Variants in RGS6 observed in about 807,000 individuals in gnomAD.
The protein encoded by RGS6 is regulator of G-protein signaling 6.
A neutral mutation model predicts 78.5 loss-of-function variants in RGS6; 30 were observed. That is an observed-to-expected ratio of 0.38 (90% CI 0.29 to 0.52). RGS6 has a LOEUF of 0.52. RGS6 is among the 20% of genes least tolerant of loss of function. RGS6 has a pLI of 0.85. For synonymous variants in RGS6, 206 were observed against 206.0 expected, an observed-to-expected ratio of 1.00 and a Z score of 0.00; for missense variants, 495 against 609.7, an observed-to-expected ratio of 0.81 and a Z score of 1.98.
chr14:72,436,066 C>G (rs1430752997), intron 3 of RGS6, among the ~76,000 whole-genome samples: 3 of 152,126 alleles, frequency 2.0e-5, no homozygotes, highest in Non-Finnish European at 4.4e-5. Context: ...TTTGACCCTT[C>G]TGCCTTTCCT....
the RGS6 span, among the ~76,000 whole-genome samples, chr14:71,888,112 T>C: frequency 1.3e-5 from 2 of 152,018 alleles, no homozygotes; most frequent in African/African-American, 4.8e-5. Flanking sequence ...AGAACCTACG[T>C]TGAAATATTG....
chr14:72,342,900 G>T (rs1334175660), intron 2 of RGS6, among the ~76,000 whole-genome samples: 1 of 152,046 alleles, frequency 6.6e-6, no homozygotes, highest in African/African-American at 2.4e-5. Flanking sequence ...CCCCAAGTGG[G>T]CTACCACAGG....
chr14:72,473,945 A>T (rs570248179), intron 9 of RGS6: 1 of 152,406 alleles, frequency 6.6e-6, no homozygotes, highest in South Asian at 2.1e-4. Context: ...TTTAAACAGC[A>T]AAATCACCAA....
chr14:72,186,647 C>T (rs1338450240), intron 2 of RGS6, among the ~76,000 whole-genome samples: 2 of 152,172 alleles, frequency 1.3e-5, no homozygotes, highest in Admixed American at 1.3e-4. Flanking sequence ...TCCTGCTCTG[C>T]CTGCCAAGGA....
intron 2 of RGS6, among the ~76,000 whole-genome samples, chr14:72,081,347 T>C (rs1406125197): frequency 6.6e-6 from 1 of 152,122 alleles, no homozygotes; most frequent in Non-Finnish European, 1.5e-5. Flanking sequence ...GCATCAGCAC[T>C]AATTCTTACA....
intron 14 of RGS6, among the ~76,000 whole-genome samples, chr14:72,510,816 T>TTCTGTC (rs2096869176): frequency 3.9e-5 from 6 of 152,134 alleles, no homozygotes; most frequent in Admixed American, 1.3e-4. Flanking sequence ...TCTTTTAGAA[T>TTCTGTC]GACTTCTGTC....
chr14:72,159,982 A>G (rs2096829954), intron 2 of RGS6, among the ~76,000 whole-genome samples: 1 of 152,214 alleles, frequency 6.6e-6, no homozygotes, highest in Admixed American at 6.5e-5. Flanking sequence ...AATTATTTTT[A>G]TCATAATAAA....
intron 2 of RGS6, among the ~76,000 whole-genome samples, chr14:72,323,569 T>C (rs962117026): frequency 1.3e-5 from 2 of 151,696 alleles, no homozygotes; most frequent in African/African-American, 2.4e-5. Flanking sequence ...TTAAAATGTA[T>C]TGTAGTCCGG....
At chr14:72,467,784 C>T (rs1034991636) in intron 7 of RGS6, among the ~76,000 whole-genome samples, 8 of 152,156 alleles carry the variant, frequency 5.3e-5, no homozygotes, top group African/African-American at 1.9e-4. Context: ...TCTGGACATC[C>T]TGGGAGCCCA....
intron 2 of RGS6, among the ~76,000 whole-genome samples, chr14:72,135,344 T>C (rs954281856): frequency 3.9e-5 from 6 of 152,104 alleles, no homozygotes; most frequent in Non-Finnish European, 8.8e-5. Context: ...CTAGTCCTGG[T>C]GCTGGATCTA....
At chr14:72,490,102 G>C (rs1172256149) in intron 12 of RGS6, among the ~76,000 whole-genome samples, 1 of 152,116 alleles carries the variant, frequency 6.6e-6, no homozygotes, top group Non-Finnish European at 1.5e-5. Flanking sequence ...TCCCCACCCA[G>C]ATCTCGTCTT....
intron 2 of RGS6, among the ~76,000 whole-genome samples, chr14:72,052,841 T>TAAACAA (rs1387746914): frequency 6.6e-6 from 1 of 152,204 alleles, no homozygotes; most frequent in East Asian, 1.9e-4. Context: ...GATCAAGTTG[T>TAAACAA]GTGGATCCGA....
intron 14 of RGS6, among the ~76,000 whole-genome samples, chr14:72,510,617 G>A (rs908196923): frequency 2.0e-5 from 3 of 152,304 alleles, no homozygotes; most frequent in South Asian, 4.1e-4. Context: ...GAGTGGAGAG[G>A]CATCTCAGAG....
chr14:72,047,399 C>G (rs544826596), intron 2 of RGS6, among the ~76,000 whole-genome samples: 9 of 152,194 alleles, frequency 5.9e-5, no homozygotes, highest in Admixed American at 4.6e-4. Context: ...TATTATCCCC[C>G]TTTTCCCGTG....
intron 17 of RGS6, among the ~76,000 whole-genome samples, chr14:72,544,378 C>A (rs1468918892): frequency 6.6e-6 from 1 of 152,146 alleles, no homozygotes; most frequent in South Asian, 2.1e-4. Context: ...CCCTGGGTAC[C>A]TTTGGAGGCT....
intron 2 of RGS6, among the ~76,000 whole-genome samples, chr14:72,126,862 C>G (rs1233935648): frequency 6.6e-6 from 1 of 152,152 alleles, no homozygotes; most frequent in Non-Finnish European, 1.5e-5. Flanking sequence ...AAATGGGTCC[C>G]TCACCACCAC....
intron 2 of RGS6, among the ~76,000 whole-genome samples, chr14:72,020,803 A>G (rs567609374): frequency 7.2e-5 from 11 of 152,340 alleles, no homozygotes; most frequent in African/African-American, 2.6e-4. Flanking sequence ...CTTGGAACCT[A>G]TGTTTTATTG....
chr14:72,026,601 C>T (rs546297442), intron 2 of RGS6, among the ~76,000 whole-genome samples: 1 of 152,284 alleles, frequency 6.6e-6, no homozygotes, highest in South Asian at 2.1e-4. Context: ...TCAATTACAG[C>T]CTCAGCTGAG....
At chr14:72,365,623 T>C (rs1486037623) in intron 3 of RGS6, among the ~76,000 whole-genome samples, 1 of 152,248 alleles carries the variant, frequency 6.6e-6, no homozygotes, top group Non-Finnish European at 1.5e-5. Flanking sequence ...AAAGCACCTG[T>C]TTCGATCTTA....
Sources: allele counts gnomAD v4.1 joint callset (sites outside exome capture counted in the v4.1 genomes callset), GRCh38; gene constraint gnomAD v4.1.1; transcripts MANE v1.5; gene names NCBI Gene and HGNC (gene_info 2026-07-23, HGNC 2026-07-21).